ELMO1: variants seen among roughly 807,000 people sequenced by gnomAD.
ELMO1 encodes the protein engulfment and cell motility protein 1.
ELMO1 carries 26 observed loss-of-function variants against 98.9 expected under a neutral mutation model. The ratio of observed to expected loss-of-function variants is 0.26; its 90% confidence interval spans 0.19 to 0.36. The LOEUF (loss-of-function observed/expected upper bound fraction) is 0.36. Ranked by LOEUF, ELMO1 falls within the 10% of genes least tolerant of loss-of-function variation. The pLI is 1.00. For missense variants in ELMO1, 627 were observed against 935.2 expected, an observed-to-expected ratio of 0.67 and a Z score of 4.30; for synonymous variants, 346 against 346.0, an observed-to-expected ratio of 1.00 and a Z score of 0.00.
rs115739957 is a variant in ELMO1 at position 37,222,942 on chromosome 7, C to A, written c.702-249G>T. ...CAGAATGCCCAGAAATATAGGCAGC[C>A]TTCTCTCTTATTCAGATTAAAGGCA... On this transcript the variant is annotated intron_variant, in intron 9 of 21. Transcript: ENST00000310758. 8.0e-3 allele frequency among the ~76,000 whole-genome samples: 1,222 copies of A among 152,296 alleles called. 15 individuals carry two copies. The highest frequency in any genetic ancestry group is 0.028 in the African/African-American group (1,183 of 41,562).
At chr7:37,230,336 T>A (rs1022000413) in intron 8 of ELMO1, among the ~76,000 whole-genome samples, 1 of 152,080 alleles carries the variant, frequency 6.6e-6, no homozygotes, top group Non-Finnish European at 1.5e-5. Flanking sequence ...GCAGAAGAAA[T>A]TGCTTAACTC....
intron 9 of ELMO1, 49 bp downstream of exon 9, chr7:37,224,830 C>T: frequency 1.2e-6 from 2 of 1,600,482 alleles, no homozygotes; most frequent in Non-Finnish European, 1.7e-6. Flanking sequence ...ATTACCGTGG[C>T]CATCTTCCTG....
chr7:36,955,892 C>T (rs1788401337), intron 16 of ELMO1, among the ~76,000 whole-genome samples: 1 of 152,190 alleles, frequency 6.6e-6, no homozygotes, highest in African/African-American at 2.4e-5. Context: ...TCCCAGCTCC[C>T]TACTCACCCA....
chr7:37,248,287 C>T (rs970865936), intron 6 of ELMO1, among the ~76,000 whole-genome samples: 1 of 151,972 alleles, frequency 6.6e-6, no homozygotes, highest in African/African-American at 2.4e-5. Context: ...TGATGTTTCA[C>T]AGTGGCCAGA....
chr7:37,213,409 G>A lies in ELMO1; in HGVS notation c.880C>T (p.Leu294=), dbSNP rs753731988. 1 of 1,612,562 alleles carries A rather than the reference G, an allele frequency of 6.2e-7. No homozygotes were observed. Among genetic ancestry groups the A allele is most frequent in the South Asian group, 1.1e-5 (1 of 91,006 alleles). The part of the protein sequence containing the change: ...RAINNEMAHQ[L]YVLQVLTFNL... ...AAGGTGAGCACTTGTAGAACATACA[G>A]CTGGTGCGCCATCTCATTGTTGATG... Residue 294 remains leucine, a synonymous_variant, in exon 12 of 22, where the codon CTG becomes TTG. Coordinates refer to ENST00000310758, the MANE Select transcript of ELMO1 (RefSeq NM_014800.11).
intron 16 of ELMO1, among the ~76,000 whole-genome samples, chr7:36,906,966 G>A (rs913280835): frequency 6.6e-6 from 1 of 152,122 alleles, no homozygotes; most frequent in Non-Finnish European, 1.5e-5. Flanking sequence ...ATCTCAGAGT[G>A]CAGTGAAATT....
At chr7:37,442,327 A>AGTG (rs767903958) in intron 1 of ELMO1, among the ~76,000 whole-genome samples, 69 of 152,174 alleles carry the variant, frequency 4.5e-4, no homozygotes, top group Non-Finnish European at 6.2e-4. Flanking sequence ...AGAAACCATC[A>AGTG]CGGTCAAAGG....
chr7:37,278,113 C>CTTTTTTTTTTTT (rs36110041), intron 4 of ELMO1, among the ~76,000 whole-genome samples: 10 of 85,608 alleles, frequency 1.2e-4, no homozygotes, highest in East Asian at 4.2e-4. Flanking sequence ...ATAGCTTTTC[C>CTTTTTTTTTTTT]TTTTTTTTTT....
intron 1 of ELMO1, among the ~76,000 whole-genome samples, chr7:37,408,835 T>C (rs900667148): frequency 6.6e-5 from 10 of 152,224 alleles, no homozygotes; most frequent in Non-Finnish European, 1.0e-4. Flanking sequence ...AGAGATCTGC[T>C]GCGTAAGAAT....
Position 37,389,639 on chromosome 7 carries a change from G to C in ELMO1, c.-73-46876C>G, listed in dbSNP as rs765879202. ...CACACTGTGGAGCATGAAGAGGCAG[G>C]AATAATAGCTTGGTCACAGGTAGTA... On this transcript the variant is annotated intron_variant, in intron 1 of 21. Coordinates refer to ENST00000310758, the MANE Select transcript of ELMO1 (RefSeq NM_014800.11). Among the ~76,000 whole-genome samples, 5 of 152,252 alleles carry C rather than the reference G, an allele frequency of 3.3e-5. 1 individual carries two copies. The South Asian group carries it at 8.3e-4, about 25-fold the overall frequency.
At chr7:37,344,483 T>C (rs56358455) in intron 1 of ELMO1, among the ~76,000 whole-genome samples, 19,733 of 152,270 alleles carry the variant, frequency 0.13, 1,469 homozygotes, top group Non-Finnish European at 0.17. Context: ...CTGTGGGCCA[T>C]TTGGGTGATT....
chr7:36,954,045 G>C (rs954960734), intron 16 of ELMO1, among the ~76,000 whole-genome samples: 3 of 152,256 alleles, frequency 2.0e-5, no homozygotes, highest in Non-Finnish European at 2.9e-5. Flanking sequence ...TTGGACCCTT[G>C]CTCTGATTCC....
chr7:37,378,838 C>T (rs532996992), intron 1 of ELMO1, among the ~76,000 whole-genome samples: 2 of 152,172 alleles, frequency 1.3e-5, no homozygotes, highest in South Asian at 2.1e-4. Flanking sequence ...CTCCTTTCAC[C>T]GCTACTGCCA....
chr7:37,157,294 T>C (rs1372623672), intron 13 of ELMO1, among the ~76,000 whole-genome samples: 4 of 152,126 alleles, frequency 2.6e-5, no homozygotes, highest in African/African-American at 7.2e-5. Context: ...CTATTCAACA[T>C]AGTGTTGGAA....
At chr7:37,355,025 T>TA (rs1336563461) in intron 1 of ELMO1, among the ~76,000 whole-genome samples, 2 of 152,194 alleles carry the variant, frequency 1.3e-5, no homozygotes, top group Non-Finnish European at 2.9e-5. Flanking sequence ...TACACAGAAT[T>TA]AGTCATTCTG....
intron 2 of ELMO1, among the ~76,000 whole-genome samples, chr7:37,324,931 A>G (rs1018262387): frequency 3.9e-5 from 6 of 152,112 alleles, no homozygotes; most frequent in African/African-American, 1.4e-4. Flanking sequence ...TGGCTTTGGA[A>G]CCTGGGCTTC....
chr7:37,419,239 C>T (rs2131526039), intron 1 of ELMO1, among the ~76,000 whole-genome samples: 1 of 152,224 alleles, frequency 6.6e-6, no homozygotes, highest in East Asian at 1.9e-4. Flanking sequence ...AATTAAAAAT[C>T]TAAATAGAAG....
At chr7:37,019,875 A>T (rs1794167131) in intron 15 of ELMO1, among the ~76,000 whole-genome samples, 1 of 152,212 alleles carries the variant, frequency 6.6e-6, no homozygotes, top group South Asian at 2.1e-4. Flanking sequence ...CTGATATCTC[A>T]TTCACTTATA....
chr7:37,055,508 C>G (rs1413373021), intron 15 of ELMO1, among the ~76,000 whole-genome samples: 5 of 152,194 alleles, frequency 3.3e-5, no homozygotes, highest in Non-Finnish European at 5.9e-5. Context: ...CTTCCACATT[C>G]ACCTGCCCAA....
Sources: gnomAD v4.1 joint callset for allele counts (sites outside exome capture counted in the v4.1 genomes callset) on GRCh38, gnomAD v4.1.1 for gene constraint, MANE v1.5 for transcripts, NCBI Gene and HGNC (gene_info 2026-07-23, HGNC 2026-07-21) for gene names.